The following CAMK4 variants were observed in gnomAD, a reference collection of about 807,000 sequenced individuals.
CAMK4 encodes the protein calcium/calmodulin dependent protein kinase IV.
In CAMK4, 22 loss-of-function variants were observed where a neutral mutation model predicts 44.9. The observed-to-expected ratio is 0.49, with a 90% CI of 0.35 to 0.70. The LOEUF is 0.70. Ranked by LOEUF, CAMK4 falls within the 30% of genes least tolerant of loss-of-function variation. The pLI, the probability that CAMK4 is intolerant of heterozygous loss-of-function variation, is 0.01. For missense variants in CAMK4, 498 were observed against 586.8 expected (o/e 0.85, Z 1.56); for synonymous variants, 218 against 215.4 (o/e 1.01, Z -0.11).
At chr5:111,370,352 T>G (rs1750957473) in intron 2 of CAMK4, among the ~76,000 whole-genome samples, 1 of 152,116 alleles carries the variant, frequency 6.6e-6, no homozygotes. Flanking sequence ...TAGGTAAATT[T>G]GTTCAGAATG....
At chr5:111,238,536 G>A (rs1040238486) in intron 1 of CAMK4, among the ~76,000 whole-genome samples, 2 of 145,972 alleles carry the variant, frequency 1.4e-5, no homozygotes, top group Non-Finnish European at 3.0e-5. Flanking sequence ...CCTCAGAACT[G>A]TGAAAAAAAT....
chr5:111,353,358 CTTTTT>C (rs139038752), intron 2 of CAMK4, among the ~76,000 whole-genome samples: 1 of 148,884 alleles, frequency 6.7e-6, no homozygotes, highest in Non-Finnish European at 1.5e-5. Flanking sequence ...TCTGATTTCA[CTTTTT>C]TTTTTCTGTC....
At chr5:111,472,695 C>T (rs1369589968) in intron 7 of CAMK4, among the ~76,000 whole-genome samples, 1 of 152,176 alleles carries the variant, frequency 6.6e-6, no homozygotes, top group African/African-American at 2.4e-5. Flanking sequence ...ATAAGTTCCC[C>T]TTTCTCAGTT....
chr5:111,467,970 A>ACACACC (rs1217361901), intron 7 of CAMK4, among the ~76,000 whole-genome samples: 1 of 148,614 alleles, frequency 6.7e-6, no homozygotes, highest in African/African-American at 2.5e-5. Flanking sequence ...ACACACACAC[A>ACACACC]CCATGGAATA....
chr5:111,324,435 T>A (rs562139569), intron 1 of CAMK4, among the ~76,000 whole-genome samples: 1 of 152,202 alleles, frequency 6.6e-6, no homozygotes, highest in East Asian at 1.9e-4. Context: ...ATTTTTAGTA[T>A]GATGGAAAAC....
chr5:111,278,982 T>A (rs548036151), intron 1 of CAMK4, among the ~76,000 whole-genome samples: 1 of 152,162 alleles, frequency 6.6e-6, no homozygotes, highest in East Asian at 1.9e-4. Flanking sequence ...ATACAACCTC[T>A]GGGGCAACCG....
rs372152293 is a variant in CAMK4 at position 111,431,938 on chromosome 5, A to G, written c.460-14748A>G. The stretch of plus-strand genomic sequence containing the variant: ...GAAGGTAAATTAGTACAATCACCAT[A>G]AAGAACAGGTTCCTCAAAAAACTAA... On this transcript the variant is annotated intron_variant, in intron 5 of 10. Coordinates refer to ENST00000282356, the MANE Select transcript of CAMK4 (RefSeq NM_001744.6). 1.4e-4 allele frequency among the ~76,000 whole-genome samples: 21 copies of G among 152,092 alleles called. No individual in the cohort carries two copies. The South Asian group carries it at 4.1e-3, about 30-fold the overall frequency.
At chr5:111,354,527 C>A (rs778167827) in intron 2 of CAMK4, among the ~76,000 whole-genome samples, 2 of 151,222 alleles carry the variant, frequency 1.3e-5, no homozygotes, top group Non-Finnish European at 2.9e-5. Flanking sequence ...TACATCAGAA[C>A]GTCACATTGT....
At chr5:111,351,993 G>A (rs1750129615) in intron 2 of CAMK4, among the ~76,000 whole-genome samples, 1 of 152,182 alleles carries the variant, frequency 6.6e-6, no homozygotes, top group East Asian at 1.9e-4. Flanking sequence ...CAAAAGAGTA[G>A]AGAGGAAGTA....
At chr5:111,377,072 A>C in intron 4 of CAMK4, 130 bp downstream of exon 4, 3 of 565,782 alleles carry the variant, frequency 5.3e-6, no homozygotes, top group Non-Finnish European at 9.3e-6. Flanking sequence ...TACTAAAAAA[A>C]GTCTTAAGAA....
intron 7 of CAMK4, among the ~76,000 whole-genome samples, chr5:111,464,107 G>T (rs1410622996): frequency 6.7e-6 from 1 of 149,198 alleles, no homozygotes; most frequent in East Asian, 2.0e-4. Context: ...AGATATGAAG[G>T]GAAAAATCTT....
In CAMK4 at chr5:111,487,905, C is replaced by T. The variant is rs141275657; in HGVS notation, c.*3439C>T. ...ACACTGAGTAAAAGCTTATTGACCA[C>T]TCCTGCCCATTCATTTACTTCAGAG... On this transcript the variant is annotated 3_prime_UTR_variant, in exon 11 of 11. Transcript: ENST00000282356. 2.6e-5 allele frequency: 4 copies of T among 152,318 alleles called. No homozygotes were observed. In the East Asian group the frequency reaches 5.8e-4, roughly 22 times the overall value. 9.4% of individuals were successfully genotyped at this position (152,318 alleles called of 1,614,324 possible).
At chr5:111,371,335 C>CAG (rs1750997578) in intron 2 of CAMK4, among the ~76,000 whole-genome samples, 1 of 152,106 alleles carries the variant, frequency 6.6e-6, no homozygotes, top group East Asian at 1.9e-4. Flanking sequence ...AGAATAAGCC[C>CAG]ACTGTTTTAA....
At chr5:111,312,907 C>T (rs941817820) in intron 1 of CAMK4, among the ~76,000 whole-genome samples, 3 of 152,044 alleles carry the variant, frequency 2.0e-5, no homozygotes, top group Non-Finnish European at 4.4e-5. Context: ...CCTTTTTTGT[C>T]TTTGGGCAAA....
chr5:111,434,423 G>A (rs76642697), intron 5 of CAMK4, among the ~76,000 whole-genome samples: 2,445 of 152,262 alleles, frequency 0.016, 65 homozygotes, highest in African/African-American at 0.056. Flanking sequence ...GGCCAAGGCC[G>A]GTGAGGAAAA....
chr5:111,302,170 C>T (rs1747747743), intron 1 of CAMK4: 1 of 152,118 alleles, frequency 6.6e-6, no homozygotes, highest in African/African-American at 2.4e-5. Context: ...GTAAATTAAA[C>T]ATTTTTGGAA....
intron 5 of CAMK4, among the ~76,000 whole-genome samples, chr5:111,422,069 A>G (rs1464218540): frequency 6.6e-6 from 1 of 152,184 alleles, no homozygotes; most frequent in Non-Finnish European, 1.5e-5. Context: ...ATGCTTGGGT[A>G]TGTCTTTATT....
chr5:111,473,211 A>C (rs1046757291), intron 7 of CAMK4, 100 bp from the exon 8 acceptor site: 1 of 831,896 alleles, frequency 1.2e-6, no homozygotes, highest in African/African-American at 1.7e-5. Context: ...AAAACTGTTC[A>C]GAAATTGTTT....
chr5:111,287,026 TC>T (rs1485068185), intron 1 of CAMK4, among the ~76,000 whole-genome samples: 1 of 152,198 alleles, frequency 6.6e-6, no homozygotes, highest in African/African-American at 2.4e-5. Flanking sequence ...TCACAGGTAA[TC>T]AAATTCCATC....
Sources: gnomAD v4.1 joint callset for allele counts (sites outside exome capture counted in the v4.1 genomes callset) on GRCh38, gnomAD v4.1.1 for gene constraint, MANE v1.5 for transcripts, NCBI Gene and HGNC (gene_info 2026-07-23, HGNC 2026-07-21) for gene names.